HS3ST1: variants seen among roughly 807,000 people sequenced by gnomAD.
The protein encoded by HS3ST1 is heparan sulfate glucosamine 3-O-sulfotransferase 1.
Under a neutral mutation model 20.7 loss-of-function variants are expected in HS3ST1, and 8 were observed. That is an observed-to-expected ratio of 0.39 (90% CI 0.23 to 0.70). The LOEUF (loss-of-function observed/expected upper bound fraction) is 0.70. Ranked by LOEUF, HS3ST1 falls within the 30% of genes least tolerant of loss-of-function variation. The pLI, the probability that HS3ST1 is intolerant of heterozygous loss-of-function variation, is 0.46. For missense variants in HS3ST1, 436 were observed against 423.4 expected (o/e 1.03, Z -0.26); for synonymous variants, 205 against 190.4 (o/e 1.08, Z -0.63).
At chr4:11,432,096 GT>G (rs1015106438), upstream of HS3ST1, among the ~76,000 whole-genome samples, 2 of 152,166 alleles carry the variant, frequency 1.3e-5, no homozygotes, top group African/African-American at 4.8e-5. Context: ...ATATGCTTAT[GT>G]TTGCTATTTT....
intron 1 of HS3ST1, among the ~76,000 whole-genome samples, chr4:11,410,426 C>T (rs1577441503): frequency 1.3e-5 from 2 of 152,258 alleles, no homozygotes; most frequent in African/African-American, 4.8e-5. Context: ...GGAAGTCCCA[C>T]GGAAGCATTC....
chr4:11,417,881 T>G (rs191593711), intron 1 of HS3ST1, among the ~76,000 whole-genome samples: 1 of 152,296 alleles, frequency 6.6e-6, no homozygotes, highest in Admixed American at 6.5e-5. Context: ...CAAACAGAAG[T>G]GTAATTGTTG....
chr4:11,414,925 C>G (rs1394090001), intron 1 of HS3ST1, among the ~76,000 whole-genome samples: 1 of 152,142 alleles, frequency 6.6e-6, no homozygotes, highest in Non-Finnish European at 1.5e-5. Flanking sequence ...GCTCAGGTCA[C>G]AGGTAACCAA....
At chr4:11,414,879 G>A (rs1008266900) in intron 1 of HS3ST1, among the ~76,000 whole-genome samples, 1 of 152,096 alleles carries the variant, frequency 6.6e-6, no homozygotes. Context: ...TGTAAGATTA[G>A]CAAATTCAGA....
At chr4:11,422,108 T>G (rs1718954816) in intron 1 of HS3ST1, among the ~76,000 whole-genome samples, 1 of 152,234 alleles carries the variant, frequency 6.6e-6, no homozygotes, top group South Asian at 2.1e-4. Context: ...AATATGCCAG[T>G]TATTCAGCTG....
intron 1 of HS3ST1, among the ~76,000 whole-genome samples, chr4:11,412,768 C>T (rs1158359953): frequency 6.6e-6 from 1 of 152,144 alleles, no homozygotes; most frequent in Non-Finnish European, 1.5e-5. Flanking sequence ...ATGAAGAATG[C>T]TTAACCATTA....
intron 1 of HS3ST1, among the ~76,000 whole-genome samples, chr4:11,427,632 G>A (rs944942896): frequency 1.3e-5 from 2 of 152,234 alleles, no homozygotes; most frequent in African/African-American, 2.4e-5. Context: ...GATCTGCAAA[G>A]GAGGAGGAAG....
At chr4:11,413,081 A>G (rs1718680302) in intron 1 of HS3ST1, among the ~76,000 whole-genome samples, 1 of 152,216 alleles carries the variant, frequency 6.6e-6, no homozygotes, top group African/African-American at 2.4e-5. Flanking sequence ...TCCTGGCCTC[A>G]GACTTCCAGC....
At chr4:11,400,539 T>A (rs1021425862) in intron 1 of HS3ST1, among the ~76,000 whole-genome samples, 4 of 152,174 alleles carry the variant, frequency 2.6e-5, no homozygotes, top group Non-Finnish European at 5.9e-5. Flanking sequence ...CAGGTTTGCC[T>A]CCCTAGTCAG....
upstream of HS3ST1, among the ~76,000 whole-genome samples, chr4:11,431,326 G>A (rs991085): frequency 5.3e-5 from 8 of 151,910 alleles, no homozygotes; most frequent in Non-Finnish European, 8.8e-5. Flanking sequence ...GTGGGCATGA[G>A]AATAGAGGCT....
intron 1 of HS3ST1, among the ~76,000 whole-genome samples, chr4:11,404,381 G>A (rs114118066): frequency 7.0e-4 from 106 of 152,286 alleles, no homozygotes; most frequent in Non-Finnish European, 1.4e-3. Context: ...GAAATATTTT[G>A]CATTTTTTTC....
chr4:11,433,722 C>T (rs1433688319), upstream of HS3ST1, among the ~76,000 whole-genome samples: 5 of 152,124 alleles, frequency 3.3e-5, no homozygotes, highest in East Asian at 9.6e-4. Flanking sequence ...TCAGTTGAAT[C>T]AATATGTATT....
intron 1 of HS3ST1, among the ~76,000 whole-genome samples, chr4:11,408,882 G>T (rs1014601201): frequency 6.6e-6 from 1 of 152,210 alleles, no homozygotes; most frequent in Admixed American, 6.5e-5. Flanking sequence ...TCTGAGAGGT[G>T]CCATCTTAGC....
chr4:11,419,733 A>G (rs1355587859), intron 1 of HS3ST1, among the ~76,000 whole-genome samples: 1 of 152,216 alleles, frequency 6.6e-6, no homozygotes, highest in Non-Finnish European at 1.5e-5. Context: ...CATTAAGAAT[A>G]TAATTTGAAA....
chr4:11,419,212 T>C (rs1420010714), intron 1 of HS3ST1, among the ~76,000 whole-genome samples: 3 of 152,088 alleles, frequency 2.0e-5, no homozygotes, highest in African/African-American at 7.2e-5. Flanking sequence ...CTTGTACTTT[T>C]TCTGCATCTT....
upstream of HS3ST1, among the ~76,000 whole-genome samples, chr4:11,434,205 G>C (rs749838616): frequency 6.6e-6 from 1 of 152,196 alleles, no homozygotes; most frequent in Non-Finnish European, 1.5e-5. Flanking sequence ...ACACTTATAA[G>C]AACTGGCTAT....
rs116924771 is a variant in HS3ST1, at chr4:11,409,309, G to C, written c.-108-9196C>G. ...GGAGAGATGATTTGTCTCATTTCTT[G>C]AGCCAGGTTGTTATGGACTGAATGT... On this transcript the variant is annotated intron_variant, in intron 1 of 1. Transcript: ENST00000002596. Among the ~76,000 whole-genome samples the C allele has an allele frequency of 7.2e-4, 109 of 152,264 alleles. 1 individual carries two copies. In the East Asian group the frequency reaches 0.019, roughly 26 times the overall value.
At chr4:11,420,638 G>T (rs1431737329) in intron 1 of HS3ST1, among the ~76,000 whole-genome samples, 1 of 152,158 alleles carries the variant, frequency 6.6e-6, no homozygotes, top group Non-Finnish European at 1.5e-5. Flanking sequence ...CTTCTTGAAG[G>T]GTGTTGAGAA....
chr4:11,399,706 C>A lies in HS3ST1; in HGVS notation c.300G>T (p.Leu100Phe). 6.2e-7 allele frequency: 1 copy of A among 1,613,878 alleles called. No homozygotes were observed. The highest frequency in any genetic ancestry group is 1.3e-5 in the African/African-American group (1 of 75,074). The part of the protein sequence containing the change: ...FDWEEHYSHG[L>F]GWYLSQMPFS... ...AGGGCATCTGGCTGAGGTACCAGCCCAAGCCGTGGCTGTAATGCTCCTCCC... is the reference window on the plus strand; with the variant it reads ...AGGGCATCTGGCTGAGGTACCAGCCAAAGCCGTGGCTGTAATGCTCCTCCC... The change falls in exon 2 of 2, where the codon TTG (leucine) becomes TTT (phenylalanine). Residue 100 changes from leucine (L) to phenylalanine (F), a missense_variant. By Grantham distance (22) the Leu-to-Phe change is conservative (BLOSUM62 0). Transcript: ENST00000002596. This position sits in a 1 kb window ranked among gnomAD's most constrained non-coding sequence, Gnocchi z 5.1.
Sources: gnomAD v4.1 joint callset for allele counts (sites outside exome capture counted in the v4.1 genomes callset) on GRCh38, gnomAD v4.1.1 for gene constraint, Gnocchi (gnomAD v3.1) non-coding constraint, MANE v1.5 for transcripts, NCBI Gene and HGNC (gene_info 2026-07-23, HGNC 2026-07-21) for gene names.